OR7E24: variants seen among roughly 807,000 people sequenced by gnomAD.
OR7E24 encodes the protein olfactory receptor 7E24.
For synonymous variants in OR7E24, 130 were observed against 157.5 expected (o/e 0.83, Z 1.31); for missense variants, 385 against 410.3 (o/e 0.94, Z 0.53).
At chr19:9,214,378 A>G in the OR7E24 span, 13 of 1,614,194 alleles carry the variant, frequency 8.1e-6, no homozygotes, top group Non-Finnish European at 1.0e-5. Flanking sequence ...AGGGAGAACC[A>G]GAAAATGATG....
chr19:9,235,020 G>A, the OR7E24 span: 214 of 538,366 alleles, frequency 4.0e-4, 1 homozygote, highest in East Asian at 5.5e-3. Flanking sequence ...ATGGAATTAG[G>A]CTACCAAATG....
Position 9,252,126 on chromosome 19 carries a change from G to A in OR7E24, c.*63G>A. 1.4e-6 allele frequency: 2 copies of A among 1,392,082 alleles called. No individual in the cohort carries two copies. The highest frequency in any genetic ancestry group is 2.3e-5 in the East Asian group (1 of 43,266). 86.2% of individuals were successfully genotyped at this position (1,392,082 alleles called of 1,614,324 possible). A position where few individuals can be genotyped will look rare whatever the true frequency, so the allele number is the denominator to read the frequency against. Reference sequence around the variant, plus strand: ...CTGCCTCCTTGGTCACATTATTTTGGTTGCTTGATGGCTTTCATTCCTCTC... The same window carrying A: ...CTGCCTCCTTGGTCACATTATTTTGATTGCTTGATGGCTTTCATTCCTCTC... On this transcript the variant is annotated 3_prime_UTR_variant, in exon 1 of 1. Coordinates refer to ENST00000456448, the MANE Select transcript of OR7E24 (RefSeq NM_001079935.2).
chr19:9,251,456 A>G lies in OR7E24; in HGVS notation c.413A>G (p.Tyr138Cys), dbSNP rs1412067457. The G allele has an allele frequency of 1.2e-6, 2 of 1,614,088 alleles. No homozygotes were observed. Among genetic ancestry groups the G allele is most frequent in the Admixed American group, 1.7e-5 (1 of 60,008 alleles). Residue 138 changes from tyrosine to cysteine, a missense_variant, in exon 1 of 1, where the codon TAT becomes TGT. Coordinates refer to ENST00000456448, the MANE Select transcript of OR7E24 (RefSeq NM_001079935.2). The stretch of plus-strand genomic sequence containing the variant: ...GACATGCTCCTGAGTGTGATGGCCT[A>G]TGACCGGTTTGTGGCCATCTGTCAC... ...MDDMLLSVMA[Y>C]DRFVAICHPL...
At chr19:9,216,237 C>T in the OR7E24 span, among the ~76,000 whole-genome samples, 2 of 152,160 alleles carry the variant, frequency 1.3e-5, no homozygotes, top group Non-Finnish European at 2.9e-5. Flanking sequence ...CTGTGGCCTC[C>T]TTGTTCTGGC....
Position 9,251,020 on chromosome 19 carries a change from A to C in OR7E24, c.-24A>C. On this transcript the variant is annotated 5_prime_UTR_variant, in exon 1 of 1. Coordinates refer to ENST00000456448, the MANE Select transcript of OR7E24 (RefSeq NM_001079935.2). ...AATTGCTTGTATCCAAAATATAGAC[A>C]CAGTGCTAGATGCTGGTTTACTTAT... The C allele has an allele frequency of 6.7e-7, 1 of 1,497,880 alleles. No individual in the cohort carries two copies. The highest frequency in any genetic ancestry group is 8.9e-7 in the Non-Finnish European group (1 of 1,118,528). The allele number at this position is 1,497,880 out of a possible 1,614,324, so 92.8% of individuals were successfully genotyped here.
At chr19:9,211,462 T>G in the OR7E24 span, 4 of 152,292 alleles carry the variant, frequency 2.6e-5, no homozygotes, top group South Asian at 6.2e-4. Context: ...AAACATAAAT[T>G]ACCAATGCAT....
At chr19:9,231,798 G>A in the OR7E24 span, among the ~76,000 whole-genome samples, 6 of 152,012 alleles carry the variant, frequency 3.9e-5, no homozygotes, top group East Asian at 1.2e-3. Context: ...TGTTCACGGT[G>A]TATGATTCTT....
upstream of OR7E24, among the ~76,000 whole-genome samples, chr19:9,244,253 A>G (rs2066123535): frequency 6.6e-6 from 1 of 152,248 alleles, no homozygotes; most frequent in Non-Finnish European, 1.5e-5. Flanking sequence ...TAAATCCATT[A>G]AAAAGAAAAG....
upstream of OR7E24, among the ~76,000 whole-genome samples, chr19:9,245,959 C>T (rs993314456): frequency 3.3e-5 from 5 of 150,778 alleles, no homozygotes; most frequent in Non-Finnish European, 4.4e-5. Context: ...GGAGCCCAGA[C>T]TGTTGCTGGT....
chr19:9,214,663 TG>T, the OR7E24 span: 2 of 1,613,832 alleles, frequency 1.2e-6, no homozygotes, highest in Non-Finnish European at 1.7e-6. Flanking sequence ...AAGAAGTACA[TG>T]GGGGTGTGGA....
the OR7E24 span, chr19:9,214,326 C>T: frequency 6.2e-7 from 1 of 1,614,030 alleles, no homozygotes; most frequent in East Asian, 2.2e-5. Context: ...AATCTCAGTG[C>T]CTGTGGAGAA....
At chr19:9,239,154 C>T in the OR7E24 span, among the ~76,000 whole-genome samples, 1 of 151,962 alleles carries the variant, frequency 6.6e-6, no homozygotes, top group African/African-American at 2.4e-5. Context: ...CTCCACATAC[C>T]CAACATTTTT....
the OR7E24 span, chr19:9,209,354 T>C: frequency 6.6e-6 from 1 of 152,214 alleles, no homozygotes; most frequent in East Asian, 1.9e-4. Flanking sequence ...TTTTATATCA[T>C]GGTGCCATTA....
chr19:9,229,076 T>C, the OR7E24 span, among the ~76,000 whole-genome samples: 4 of 152,266 alleles, frequency 2.6e-5, 1 homozygote, highest in Admixed American at 2.6e-4. Flanking sequence ...TTAATCATAC[T>C]TCAATAAAGT....
At chr19:9,230,006 A>C in the OR7E24 span, among the ~76,000 whole-genome samples, 1 of 151,562 alleles carries the variant, frequency 6.6e-6, no homozygotes, top group Admixed American at 6.6e-5. Context: ...AAGCCTAGAC[A>C]GTCCCATATT....
the OR7E24 span, among the ~76,000 whole-genome samples, chr19:9,217,558 A>G: frequency 6.6e-6 from 1 of 152,066 alleles, no homozygotes; most frequent in Non-Finnish European, 1.5e-5. Flanking sequence ...GTTTGTTTGG[A>G]GATGGAATCT....
chr19:9,222,168 T>C, the OR7E24 span, among the ~76,000 whole-genome samples: 13 of 152,320 alleles, frequency 8.5e-5, no homozygotes, highest in Non-Finnish European at 1.5e-5. Flanking sequence ...TTTTGTTCAG[T>C]TGGTCTATGT....
the OR7E24 span, chr19:9,235,227 TG>T: frequency 1.3e-6 from 2 of 1,520,278 alleles, no homozygotes; most frequent in Admixed American, 3.4e-5. Context: ...CCGTCCTCTT[TG>T]GGCTGTTCCT....
the OR7E24 span, among the ~76,000 whole-genome samples, chr19:9,224,632 G>T: frequency 2.0e-5 from 3 of 152,100 alleles, no homozygotes; most frequent in African/African-American, 7.2e-5. Context: ...GAGCATGGTG[G>T]TGCAAGCCTG....
Sources: allele counts gnomAD v4.1 joint callset (sites outside exome capture counted in the v4.1 genomes callset), GRCh38; gene constraint gnomAD v4.1.1; transcripts MANE v1.5; gene names NCBI Gene and HGNC (gene_info 2026-07-23, HGNC 2026-07-21).